Variants in GRM8 observed in about 807,000 individuals in gnomAD.
GRM8 encodes the protein metabotropic glutamate receptor 8.
Under a neutral mutation model 87.2 loss-of-function variants are expected in GRM8, and 47 were observed. The observed-to-expected ratio is 0.54, with a 90% CI of 0.43 to 0.69. The LOEUF (loss-of-function observed/expected upper bound fraction) is 0.69, where lower values mean the gene tolerates loss of function less well. Ranked by LOEUF, GRM8 falls within the 30% of genes least tolerant of loss-of-function variation. The pLI is 0.00. For synonymous variants in GRM8, 396 were observed against 404.5 expected (o/e 0.98, Z 0.25); for missense variants, 1,019 against 1,139.2 (o/e 0.89, Z 1.52).
intron 6 of GRM8, among the ~76,000 whole-genome samples, chr7:126,842,568 G>A (rs1372700897): frequency 2.0e-5 from 3 of 152,174 alleles, no homozygotes; most frequent in African/African-American, 7.2e-5. Context: ...GGATTAAGAT[G>A]GCTGATCAGC....
chr7:126,553,607 AC>A (rs1276346520), intron 8 of GRM8, among the ~76,000 whole-genome samples: 1 of 152,130 alleles, frequency 6.6e-6, no homozygotes, highest in African/African-American at 2.4e-5. Context: ...CATAACATGA[AC>A]CCTCTAGTAC....
intron 5 of GRM8, among the ~76,000 whole-genome samples, chr7:126,903,717 A>ATATATATATGTATATGTG (rs1563300631): frequency 5.2e-5 from 7 of 135,536 alleles, no homozygotes; most frequent in African/African-American, 2.0e-4. Context: ...GTATATGTGT[A>ATATATATATGTATATGTG]TATATATATG....
chr7:126,441,451 G>A (rs1801457346), intron 10 of GRM8, among the ~76,000 whole-genome samples: 1 of 151,974 alleles, frequency 6.6e-6, no homozygotes, highest in African/African-American at 2.4e-5. Flanking sequence ...TAATTCCTTT[G>A]TATTGTTGAA....
chr7:126,676,061 C>A (rs1267189176), intron 7 of GRM8, among the ~76,000 whole-genome samples: 1 of 152,170 alleles, frequency 6.6e-6, no homozygotes, highest in Non-Finnish European at 1.5e-5. Flanking sequence ...AACCAATGTA[C>A]ACAAATCAGT....
chr7:126,493,660 C>T (rs1808321912), intron 9 of GRM8, among the ~76,000 whole-genome samples: 1 of 151,980 alleles, frequency 6.6e-6, no homozygotes, highest in African/African-American at 2.4e-5. Flanking sequence ...AGCTTTGCTC[C>T]ATCAGTGACT....
intron 3 of GRM8, among the ~76,000 whole-genome samples, chr7:127,097,119 A>C (rs1210603471): frequency 6.6e-6 from 1 of 152,192 alleles, no homozygotes; most frequent in Non-Finnish European, 1.5e-5. Flanking sequence ...ATGCTGATAG[A>C]AAAGATTGAC....
chr7:126,951,192 G>A (rs1808105809), intron 3 of GRM8, among the ~76,000 whole-genome samples: 1 of 152,072 alleles, frequency 6.6e-6, no homozygotes, highest in African/African-American at 2.4e-5. Context: ...TATAAGAAAA[G>A]TGATTATAAG....
At chr7:126,486,478 T>G (rs1807385724) in intron 9 of GRM8, among the ~76,000 whole-genome samples, 1 of 152,002 alleles carries the variant, frequency 6.6e-6, no homozygotes, top group Non-Finnish European at 1.5e-5. Context: ...TCCCTCAAAG[T>G]GCCTTCTGGT....
At chr7:126,827,992 C>A (rs1163748519) in intron 6 of GRM8, among the ~76,000 whole-genome samples, 1 of 152,088 alleles carries the variant, frequency 6.6e-6, no homozygotes, top group Non-Finnish European at 1.5e-5. Context: ...GTTTTTGGTT[C>A]TGTTTATATG....
chr7:126,491,634 A>T (rs111497779), intron 9 of GRM8, among the ~76,000 whole-genome samples: 1 of 152,032 alleles, frequency 6.6e-6, no homozygotes, highest in African/African-American at 2.4e-5. Context: ...AATTCTCCTG[A>T]TTCTTTTCTT....
At chr7:127,196,159 C>A (rs1489087307) in intron 2 of GRM8, among the ~76,000 whole-genome samples, 2 of 152,056 alleles carry the variant, frequency 1.3e-5, no homozygotes, top group Non-Finnish European at 2.9e-5. Flanking sequence ...GATTCCTATA[C>A]CCTAATATCT....
chr7:126,440,744 T>C (rs1801376980), intron 10 of GRM8, among the ~76,000 whole-genome samples: 1 of 152,092 alleles, frequency 6.6e-6, no homozygotes, highest in Non-Finnish European at 1.5e-5. Context: ...TACCATTTGG[T>C]TTGTGTAAGT....
chr7:126,711,693 A>G (rs1260019049), intron 7 of GRM8, among the ~76,000 whole-genome samples: 1 of 152,226 alleles, frequency 6.6e-6, no homozygotes, highest in Non-Finnish European at 1.5e-5. Flanking sequence ...GTTATTTAGC[A>G]TGGCCACCTT....
intron 2 of GRM8, among the ~76,000 whole-genome samples, chr7:127,163,065 G>T (rs772368933): frequency 5.3e-5 from 8 of 152,126 alleles, no homozygotes; most frequent in Non-Finnish European, 1.2e-4. Context: ...TCAGAAGAAG[G>T]TGTGTAACAG....
chr7:126,830,161 G>A (rs983735995), intron 6 of GRM8, among the ~76,000 whole-genome samples: 1 of 152,126 alleles, frequency 6.6e-6, no homozygotes, highest in Admixed American at 6.5e-5. Context: ...CAACTTTGGT[G>A]AATCTGACAA....
At chr7:127,125,493 C>A (rs904421826) in intron 2 of GRM8, among the ~76,000 whole-genome samples, 1 of 151,898 alleles carries the variant, frequency 6.6e-6, no homozygotes, top group African/African-American at 2.4e-5. Context: ...TACAGCAGTA[C>A]ACGCAAGGAT....
intron 6 of GRM8, among the ~76,000 whole-genome samples, chr7:126,860,857 C>T (rs374906679): frequency 2.0e-5 from 3 of 152,162 alleles, no homozygotes; most frequent in East Asian, 3.9e-4. Flanking sequence ...TATTCATGTT[C>T]TGTTGCTTTT....
At chr7:126,602,929 C>A (rs1386520728) in intron 8 of GRM8, among the ~76,000 whole-genome samples, 2 of 129,912 alleles carry the variant, frequency 1.5e-5, no homozygotes, top group South Asian at 2.9e-4. Context: ...AGAGACACAA[C>A]CAAAAAAGAC....
intron 6 of GRM8, among the ~76,000 whole-genome samples, chr7:126,848,418 G>A (rs1796902495): frequency 6.6e-6 from 1 of 152,126 alleles, no homozygotes; most frequent in South Asian, 2.1e-4. Context: ...TGTCAATATT[G>A]TTTATCTTAT....
Sources: allele counts gnomAD v4.1 joint callset (sites outside exome capture counted in the v4.1 genomes callset), GRCh38; gene constraint gnomAD v4.1.1; transcripts MANE v1.5; gene names NCBI Gene and HGNC (gene_info 2026-07-23, HGNC 2026-07-21).